Variants in GABRA2 observed in about 807,000 individuals in gnomAD.
GABRA2 encodes gamma-aminobutyric acid type A receptor subunit alpha2, also known as gamma-aminobutyric acid receptor subunit alpha-2.
GABRA2 carries 16 observed loss-of-function variants against 48.7 expected under a neutral mutation model. That is an observed-to-expected ratio of 0.33 (90% CI 0.22 to 0.50). GABRA2 has a LOEUF of 0.50. Among genes scored for constraint, GABRA2 ranks in the 20% least tolerant of loss-of-function variants. The probability of loss-of-function intolerance (pLI) is 0.98; values close to 1 mark genes in which losing one functional copy is unlikely to be tolerated. For missense variants in GABRA2, 275 were observed against 535.6 expected (o/e 0.51, Z 4.80); for synonymous variants, 185 against 184.5 (o/e 1.00, Z -0.02).
intron 8 of GABRA2, among the ~76,000 whole-genome samples, chr4:46,271,531 G>T (rs1346300247): frequency 6.6e-6 from 1 of 151,964 alleles, no homozygotes; most frequent in Non-Finnish European, 1.5e-5. Flanking sequence ...ACACAGAGCT[G>T]TACTGCATCT....
At chr4:46,387,233 G>A (rs1356976795) in intron 2 of GABRA2, among the ~76,000 whole-genome samples, 1 of 151,980 alleles carries the variant, frequency 6.6e-6, no homozygotes, top group African/African-American at 2.4e-5. Flanking sequence ...AGAGAAGTAT[G>A]GTTAAACACT....
At chr4:46,379,202 C>T (rs1281991424) in intron 3 of GABRA2, among the ~76,000 whole-genome samples, 1 of 152,144 alleles carries the variant, frequency 6.6e-6, no homozygotes, top group Non-Finnish European at 1.5e-5. Context: ...CCTAACATTA[C>T]CGTGTTTCTA....
At chr4:46,276,216 G>C (rs1364539882) in intron 8 of GABRA2, among the ~76,000 whole-genome samples, 1 of 152,028 alleles carries the variant, frequency 6.6e-6, no homozygotes. Context: ...GTACGTTATG[G>C]AGAAATGGGT....
At chr4:46,296,102 C>A (rs4367214) in intron 8 of GABRA2, among the ~76,000 whole-genome samples, 31,190 of 152,044 alleles carry the variant, frequency 0.21, 3,498 homozygotes, top group Non-Finnish European at 0.25. Flanking sequence ...CAATACTTTG[C>A]AGGGCTGGGG....
At position 46,284,454 on chromosome 4, in the gene GABRA2, T is replaced by C. The variant is rs1722142499; in HGVS notation, c.856+19006A>G. Reference sequence around the variant, plus strand: ...CTTACTTTTTGTTCAAGGATGTAAATAGCACTTAGTAAGTATCTGTTGCTA... The same window carrying C: ...CTTACTTTTTGTTCAAGGATGTAAACAGCACTTAGTAAGTATCTGTTGCTA... On this transcript the variant is annotated intron_variant, in intron 8 of 9. Coordinates refer to ENST00000381620, the MANE Select transcript of GABRA2 (RefSeq NM_000807.4). 2.0e-5 allele frequency among the ~76,000 whole-genome samples: 3 copies of C among 152,180 alleles called. No homozygotes were observed. In the South Asian group the frequency reaches 6.2e-4, roughly 31 times the overall value.
At chr4:46,298,458 T>A (rs1357758368) in intron 8 of GABRA2, among the ~76,000 whole-genome samples, 2 of 152,068 alleles carry the variant, frequency 1.3e-5, no homozygotes, top group East Asian at 3.8e-4. Context: ...ATAGTGGAAA[T>A]GCATTTGATG....
At chr4:46,305,451 G>A in intron 7 of GABRA2, 117 bp downstream of exon 7, 1 of 828,622 alleles carries the variant, frequency 1.2e-6, no homozygotes, top group Non-Finnish European at 1.9e-6. Context: ...CACAGCCTAT[G>A]CTGCTAGTTC....
At chr4:46,311,935 C>T (rs530434618) in intron 5 of GABRA2, among the ~76,000 whole-genome samples, 1 of 152,192 alleles carries the variant, frequency 6.6e-6, no homozygotes, top group East Asian at 1.9e-4. Flanking sequence ...ACCGTCTCTA[C>T]TAAAAATACA....
At chr4:46,380,993 G>T (rs949359393) in intron 3 of GABRA2, among the ~76,000 whole-genome samples, 1 of 152,092 alleles carries the variant, frequency 6.6e-6, no homozygotes, top group Non-Finnish European at 1.5e-5. Context: ...CATCTTCAAG[G>T]TTTCAGAGTA....
intron 8 of GABRA2, among the ~76,000 whole-genome samples, chr4:46,285,308 A>G (rs2109492660): frequency 6.6e-6 from 1 of 152,260 alleles, no homozygotes; most frequent in South Asian, 2.1e-4. Flanking sequence ...AACTCATACA[A>G]AATTTATATT....
At chr4:46,342,605 C>T (rs565400673) in intron 3 of GABRA2, among the ~76,000 whole-genome samples, 6 of 152,092 alleles carry the variant, frequency 3.9e-5, no homozygotes, top group South Asian at 2.1e-4. Context: ...CTTCTGCCTA[C>T]GAGGCCCTTG....
At chr4:46,318,051 G>A (rs1477661514) in intron 4 of GABRA2, among the ~76,000 whole-genome samples, 2 of 151,326 alleles carry the variant, frequency 1.3e-5, no homozygotes, top group Non-Finnish European at 3.0e-5. Context: ...TCTTAAATTT[G>A]AATCTATAAT....
chr4:46,297,011 T>C (rs1393883859), intron 8 of GABRA2, among the ~76,000 whole-genome samples: 1 of 152,160 alleles, frequency 6.6e-6, no homozygotes, highest in Admixed American at 6.5e-5. Context: ...ATTATGACCT[T>C]ATTATTGTCT....
intron 8 of GABRA2, among the ~76,000 whole-genome samples, chr4:46,274,382 G>T (rs936875703): frequency 7.2e-5 from 11 of 152,000 alleles, no homozygotes; most frequent in Admixed American, 6.6e-4. Context: ...TGTCTAAATT[G>T]TGTATTTTTC....
intron 3 of GABRA2, among the ~76,000 whole-genome samples, chr4:46,369,623 A>G (rs751728130): frequency 1.3e-5 from 2 of 152,136 alleles, no homozygotes; most frequent in Admixed American, 6.5e-5. Context: ...CCATGTATCA[A>G]AGGGCACAGT....
intron 3 of GABRA2, among the ~76,000 whole-genome samples, chr4:46,353,104 A>G (rs1224848021): frequency 1.3e-5 from 2 of 152,122 alleles, no homozygotes; most frequent in East Asian, 3.9e-4. Context: ...GAAAACAAGA[A>G]GCCACAAATT....
At chr4:46,377,782 C>T (rs1322071397) in intron 3 of GABRA2, among the ~76,000 whole-genome samples, 18 of 140,686 alleles carry the variant, frequency 1.3e-4, no homozygotes, top group African/African-American at 3.2e-4. Context: ...AAGTGAGGGG[C>T]GCCTCTGCCC....
intron 3 of GABRA2, among the ~76,000 whole-genome samples, chr4:46,344,579 A>T (rs774576447): frequency 4.3e-4 from 65 of 151,860 alleles, no homozygotes; most frequent in Non-Finnish European, 8.2e-4. Context: ...GGCAAGGCAG[A>T]TGGGAAAGAC....
intron 3 of GABRA2, among the ~76,000 whole-genome samples, chr4:46,337,418 T>G (rs1444862913): frequency 6.6e-6 from 1 of 152,046 alleles, no homozygotes; most frequent in Non-Finnish European, 1.5e-5. Flanking sequence ...GGAATGAGGT[T>G]GTAAAGAAAG....
Sources: allele counts gnomAD v4.1 joint callset (sites outside exome capture counted in the v4.1 genomes callset), GRCh38; gene constraint gnomAD v4.1.1; transcripts MANE v1.5; gene names NCBI Gene and HGNC (gene_info 2026-07-23, HGNC 2026-07-21).